Variants in FRMD4B observed in about 807,000 individuals in gnomAD.
The protein encoded by FRMD4B is FERM domain-containing protein 4B.
Under a neutral mutation model 141.5 loss-of-function variants are expected in FRMD4B, and 74 were observed. That is an observed-to-expected ratio of 0.52 (90% CI 0.43 to 0.63). FRMD4B has a LOEUF of 0.63. Among genes scored for constraint, FRMD4B ranks in the 30% least tolerant of loss-of-function variants. The pLI is 0.00. For synonymous variants in FRMD4B, 506 were observed against 467.9 expected, an observed-to-expected ratio of 1.08 and a Z score of -1.05; for missense variants, 1,366 against 1,253.4, an observed-to-expected ratio of 1.09 and a Z score of -1.36.
intron 11 of FRMD4B, among the ~76,000 whole-genome samples, chr3:69,204,690 G>T (rs1324469069): frequency 6.6e-6 from 1 of 152,154 alleles, no homozygotes; most frequent in Non-Finnish European, 1.5e-5. Context: ...CTGAGACAAA[G>T]TCTCTGCCCT....
intron 1 of FRMD4B, among the ~76,000 whole-genome samples, chr3:69,326,502 C>T (rs983508937): frequency 2.6e-5 from 4 of 152,220 alleles, no homozygotes; most frequent in African/African-American, 9.6e-5. Context: ...TTGTTCTCAT[C>T]TCCATAAAAT....
At position 69,313,389 on chromosome 3, in the gene FRMD4B, C is replaced by T. The variant is rs1295532897; in HGVS notation, c.228+63G>A. ...AGAGGGAACCAGGATGAGCTGTCCC[C>T]GTGAGGGTAAAACCTACCTGGGCAA... On this transcript the variant is annotated intron_variant, in intron 2 of 22. Coordinates refer to ENST00000398540, the MANE Select transcript of FRMD4B (RefSeq NM_015123.3). The T allele has an allele frequency of 2.5e-5, 26 of 1,053,948 alleles. 1 individual carries two copies. Among genetic ancestry groups the T allele is most frequent in the South Asian group, 1.5e-4 (11 of 74,378 alleles). The allele number at this position is 1,053,948 out of a possible 1,614,324, so 65.3% of individuals were successfully genotyped here.
intron 5 of FRMD4B, among the ~76,000 whole-genome samples, chr3:69,268,361 C>T (rs2093577982): frequency 6.6e-6 from 1 of 151,998 alleles, no homozygotes; most frequent in African/African-American, 2.4e-5. Flanking sequence ...AGGGCACCCA[C>T]ATCTGATACA....
At chr3:69,389,499 G>T (rs1704336567), upstream of FRMD4B, among the ~76,000 whole-genome samples, 1 of 152,218 alleles carries the variant, frequency 6.6e-6, no homozygotes, top group African/African-American at 2.4e-5. Flanking sequence ...TTCCCAAAAA[G>T]CTTTTTGAGC....
At chr3:69,513,048 A>G (rs1370705949) in intron 1 of FRMD4B, among the ~76,000 whole-genome samples, 2 of 152,156 alleles carry the variant, frequency 1.3e-5, no homozygotes, top group African/African-American at 4.8e-5. Flanking sequence ...AACCAAAGGA[A>G]GGAAATAATA....
chr3:69,537,603 TC>T (rs894381902), intron 1 of FRMD4B, among the ~76,000 whole-genome samples: 1 of 152,262 alleles, frequency 6.6e-6, no homozygotes, highest in East Asian at 1.9e-4. Flanking sequence ...TCTGCCTTTT[TC>T]TTCTCAGTGT....
chr3:69,287,991 T>C (rs898174905), intron 4 of FRMD4B, among the ~76,000 whole-genome samples, 155 bp from the exon 5 acceptor site: 4 of 152,214 alleles, frequency 2.6e-5, no homozygotes, highest in African/African-American at 9.7e-5. Flanking sequence ...ACCGCACGTA[T>C]TTATGTGATG....
intron 1 of FRMD4B, among the ~76,000 whole-genome samples, chr3:69,461,859 T>G (rs893993044): frequency 2.0e-5 from 3 of 152,048 alleles, no homozygotes; most frequent in Non-Finnish European, 4.4e-5. Context: ...AGTGCCACTT[T>G]CCCTCTCAAA....
intron 1 of FRMD4B, among the ~76,000 whole-genome samples, chr3:69,365,509 T>TGTTTTG (rs141410851): frequency 0.18 from 25,786 of 141,774 alleles, 2,557 homozygotes; most frequent in African/African-American, 0.32. Context: ...ACCTTTGTTT[T>TGTTTTG]TTTTCTTTTT....
intron 4 of FRMD4B, among the ~76,000 whole-genome samples, chr3:69,289,465 T>C (rs1235826598): frequency 6.6e-6 from 1 of 152,202 alleles, no homozygotes; most frequent in Admixed American, 6.5e-5. Flanking sequence ...TAGTGTCCAC[T>C]GCCCCGGACA....
chr3:69,204,653 C>A (rs2093004472), intron 11 of FRMD4B, among the ~76,000 whole-genome samples: 1 of 152,156 alleles, frequency 6.6e-6, no homozygotes, highest in African/African-American at 2.4e-5. Context: ...AATTGATCTA[C>A]CTTCTTTCCA....
At chr3:69,414,030 C>T (rs1704807306) in intron 2 of FRMD4B, among the ~76,000 whole-genome samples, 1 of 152,100 alleles carries the variant, frequency 6.6e-6, no homozygotes, top group African/African-American at 2.4e-5. Flanking sequence ...ATGATGCTGG[C>T]TTGGAGAAAA....
intron 17 of FRMD4B, among the ~76,000 whole-genome samples, chr3:69,191,872 A>T (rs1452387381): frequency 6.6e-6 from 1 of 152,176 alleles, no homozygotes; most frequent in East Asian, 1.9e-4. Flanking sequence ...GCTACTCTAC[A>T]TTCTCCAGCT....
intron 1 of FRMD4B, among the ~76,000 whole-genome samples, chr3:69,476,764 G>A (rs1039133751): frequency 2.0e-5 from 3 of 152,130 alleles, no homozygotes; most frequent in Admixed American, 6.5e-5. Context: ...GCTTGATGGG[G>A]ATGGCTTTGA....
intron 5 of FRMD4B, among the ~76,000 whole-genome samples, chr3:69,275,470 C>T (rs78536960): frequency 6.0e-4 from 88 of 145,798 alleles, no homozygotes; most frequent in Middle Eastern, 3.6e-3. Context: ...GACAAGTTCT[C>T]ACTCTGTTAT....
chr3:69,406,026 C>T lies in FRMD4B; in HGVS notation c.-1+26608G>A, dbSNP rs568570080. On this transcript the variant is annotated intron_variant, in intron 2 of 5. Transcript: ENST00000459638. Reference sequence around the variant, plus strand: ...CAAAGGGATGCATTGCTTTGTTTTTCACCCAAAGAATATCAATAACACCAC... The same window carrying T: ...CAAAGGGATGCATTGCTTTGTTTTTTACCCAAAGAATATCAATAACACCAC... Among the ~76,000 whole-genome samples the T allele has an allele frequency of 6.6e-5, 10 of 152,226 alleles. No individual in the cohort carries two copies. In the South Asian group the frequency reaches 2.1e-3, roughly 32 times the overall value.
At chr3:69,468,971 T>C (rs1705839582) in intron 1 of FRMD4B, among the ~76,000 whole-genome samples, 1 of 152,186 alleles carries the variant, frequency 6.6e-6, no homozygotes, top group Non-Finnish European at 1.5e-5. Context: ...TAAGGAATCA[T>C]ACTGGGATGA....
intron 1 of FRMD4B, among the ~76,000 whole-genome samples, chr3:69,482,746 G>C (rs1706148650): frequency 6.6e-6 from 1 of 152,222 alleles, no homozygotes; most frequent in Non-Finnish European, 1.5e-5. Context: ...AAAGTATGGG[G>C]CTTGTGCCAC....
chr3:69,242,779 G>C (rs34633526), intron 7 of FRMD4B, among the ~76,000 whole-genome samples: 4 of 151,400 alleles, frequency 2.6e-5, no homozygotes, highest in African/African-American at 9.7e-5. Flanking sequence ...TGGATCATGA[G>C]GTCAGGAGTT....
Sources: allele counts gnomAD v4.1 joint callset (sites outside exome capture counted in the v4.1 genomes callset), GRCh38; gene constraint gnomAD v4.1.1; transcripts MANE v1.5; gene names NCBI Gene and HGNC (gene_info 2026-07-23, HGNC 2026-07-21).